Variants in ATP2C1 observed in about 807,000 individuals in gnomAD.
The protein encoded by ATP2C1 is calcium-transporting ATPase type 2C member 1.
In ATP2C1, 31 loss-of-function variants were observed where a neutral mutation model predicts 120.5. The ratio of observed to expected loss-of-function variants is 0.26; its 90% CI spans 0.19 to 0.35. The LOEUF is 0.35. Ranked by LOEUF, ATP2C1 falls within the 10% of genes least tolerant of loss-of-function variation. The pLI, the probability that ATP2C1 is intolerant of heterozygous loss-of-function variation, is 1.00. For synonymous variants in ATP2C1, 351 were observed against 358.7 expected (o/e 0.98, Z 0.24); for missense variants, 731 against 1,107.5 (o/e 0.66, Z 4.83).
At chr3:130,867,826 C>A (rs2068242462) in intron 1 of ATP2C1, among the ~76,000 whole-genome samples, 1 of 133,922 alleles carries the variant, frequency 7.5e-6, no homozygotes, top group South Asian at 2.6e-4. Flanking sequence ...GCCCGGCCGC[C>A]ATCCCATCTA....
intron 1 of ATP2C1, among the ~76,000 whole-genome samples, chr3:130,876,667 A>G (rs2068614505): frequency 1.3e-5 from 2 of 152,166 alleles, no homozygotes; most frequent in African/African-American, 4.8e-5. Context: ...TGTCGTTGGT[A>G]TTTTAATTGG....
chr3:130,877,928 C>T (rs1052315360), intron 1 of ATP2C1, among the ~76,000 whole-genome samples: 2 of 151,990 alleles, frequency 1.3e-5, no homozygotes, highest in African/African-American at 2.4e-5. Flanking sequence ...GAAAATGTGG[C>T]ACATATACAC....
chr3:130,892,725 C>T (rs2069226569), upstream of ATP2C1, among the ~76,000 whole-genome samples: 2 of 150,586 alleles, frequency 1.3e-5, no homozygotes, highest in Admixed American at 1.3e-4. Context: ...GACTAGAAAT[C>T]TACTTGATAG....
At chr3:130,932,162 C>A (rs2108360485) in intron 4 of ATP2C1, 24 bp downstream of exon 4, 1 of 1,352,708 alleles carries the variant, frequency 7.4e-7, no homozygotes, top group Non-Finnish European at 1.1e-6. Flanking sequence ...ACTTCCTCTT[C>A]TACTGTGTAA....
chr3:130,921,735 T>A (rs2058976945), intron 2 of ATP2C1, among the ~76,000 whole-genome samples: 1 of 152,202 alleles, frequency 6.6e-6, no homozygotes, highest in Non-Finnish European at 1.5e-5. Context: ...ATTCTGTTAA[T>A]GTGGTATATT....
intron 8 of ATP2C1, among the ~76,000 whole-genome samples, chr3:130,950,845 T>C (rs992744841): frequency 1.3e-5 from 2 of 150,086 alleles, no homozygotes; most frequent in Non-Finnish European, 3.0e-5. Flanking sequence ...AGCCATGAAA[T>C]CATGCTTTTC....
At chr3:130,908,228 G>A (rs999497269) in intron 2 of ATP2C1, among the ~76,000 whole-genome samples, 2 of 152,048 alleles carry the variant, frequency 1.3e-5, no homozygotes, top group African/African-American at 4.8e-5. Context: ...TTCTGTACCT[G>A]TACTTGCACA....
intron 13 of ATP2C1, 110 bp from the exon 14 acceptor site, chr3:130,964,838 C>A: frequency 1.4e-6 from 1 of 715,134 alleles, no homozygotes; most frequent in Non-Finnish European, 2.4e-6. Context: ...AGTTTGATTT[C>A]TATAAAATTC....
intron 8 of ATP2C1, among the ~76,000 whole-genome samples, chr3:130,951,015 A>G (rs2060348381): frequency 6.6e-6 from 1 of 152,164 alleles, no homozygotes; most frequent in African/African-American, 2.4e-5. Flanking sequence ...AAATTTCTAC[A>G]AGTATTTTTA....
intron 26 of ATP2C1, chr3:131,015,261 A>C: frequency 1.4e-6 from 1 of 700,414 alleles, no homozygotes; most frequent in Non-Finnish European, 2.6e-6. Flanking sequence ...CTGGGGCTGC[A>C]ACAGCAAATA....
At chr3:130,973,558 C>T (rs552954990) in intron 17 of ATP2C1, among the ~76,000 whole-genome samples, 2 of 152,104 alleles carry the variant, frequency 1.3e-5, no homozygotes, top group African/African-American at 4.8e-5. Flanking sequence ...GGAGCATATA[C>T]GGTGTGGATA....
In ATP2C1 at chr3:131,002,319, T is replaced by C. The variant is rs2062928962; in HGVS notation, c.*969T>C. 2 of 984,252 alleles carry C rather than the reference T, an allele frequency of 2.0e-6. No homozygotes were observed. Among genetic ancestry groups the C allele is most frequent in the South Asian group, 9.4e-5 (2 of 21,274 alleles). The allele number at this position is 984,252 out of a possible 1,614,324, so 61.0% of individuals were successfully genotyped here. ...TTTTAATCATATTTCTTAGGAAGTA[T>C]AGGCTACTGGACTTAGAATAAAAAG... On this transcript the variant is annotated 3_prime_UTR_variant, in exon 28 of 28. Transcript: ENST00000510168.
intron 12 of ATP2C1, among the ~76,000 whole-genome samples, chr3:130,960,343 A>C (rs148417023): frequency 6.6e-6 from 1 of 152,166 alleles, no homozygotes; most frequent in Admixed American, 6.6e-5. Flanking sequence ...GTACAAGGAG[A>C]TAAGGTCAAC....
rs1201659442 is a variant in ATP2C1, at chr3:130,997,684, C to T, written c.2322C>T (p.Asn774=). The part of the protein sequence containing the change: ...RNWKDSILTK[N]LILKILVSSI... ...GGAAAGACAGCATTTTGACTAAAAA[C>T]TTGATACTTAAAATACTTGTTTCAT... Residue 774 remains asparagine (N), a synonymous_variant, in exon 25 of 28, where the codon AAC becomes AAT. Transcript: ENST00000510168. 6.2e-7 allele frequency: 1 copy of T among 1,613,694 alleles called. No individual in the cohort carries two copies. The highest frequency in any genetic ancestry group is 1.1e-5 in the South Asian group (1 of 91,080).
At chr3:130,898,113 A>G (rs997292289) in intron 2 of ATP2C1, among the ~76,000 whole-genome samples, 3 of 152,190 alleles carry the variant, frequency 2.0e-5, no homozygotes, top group Non-Finnish European at 2.9e-5. Context: ...CCTTTCCCAT[A>G]GAAAATTCAG....
At chr3:130,903,655 CT>C (rs1394146434) in intron 2 of ATP2C1, among the ~76,000 whole-genome samples, 3 of 151,316 alleles carry the variant, frequency 2.0e-5, no homozygotes, top group African/African-American at 4.9e-5. Context: ...TTCCTCCCCC[CT>C]TTCCTTTCCT....
chr3:130,922,380 A>G (rs996913411), intron 2 of ATP2C1, among the ~76,000 whole-genome samples: 3 of 151,474 alleles, frequency 2.0e-5, no homozygotes, highest in Admixed American at 6.6e-5. Flanking sequence ...CTAATGGTCT[A>G]TTGATTTTGT....
intron 6 of ATP2C1, among the ~76,000 whole-genome samples, chr3:130,940,115 G>A (rs1218620483): frequency 6.6e-6 from 1 of 152,196 alleles, no homozygotes; most frequent in African/African-American, 2.4e-5. Flanking sequence ...ACAGGTTGAT[G>A]GGAACTGGGT....
At chr3:130,857,473 A>T (rs1178527375) in intron 1 of ATP2C1, among the ~76,000 whole-genome samples, 1 of 152,118 alleles carries the variant, frequency 6.6e-6, no homozygotes, top group Non-Finnish European at 1.5e-5. Flanking sequence ...AAAACTCCCA[A>T]ACCGGTTGGT....
Sources: gnomAD v4.1 joint callset for allele counts (sites outside exome capture counted in the v4.1 genomes callset) on GRCh38, gnomAD v4.1.1 for gene constraint, MANE v1.5 for transcripts, NCBI Gene and HGNC (gene_info 2026-07-23, HGNC 2026-07-21) for gene names.